Variants in LRRTM4 observed in about 807,000 individuals in gnomAD.
The protein encoded by LRRTM4 is leucine rich repeat transmembrane neuronal 4.
In LRRTM4, 25 loss-of-function variants were observed where a neutral mutation model predicts 47.6. The ratio of observed to expected loss-of-function variants is 0.53; its 90% CI spans 0.38 to 0.73. LRRTM4 has a LOEUF of 0.73. LRRTM4 is among the 30% of genes least tolerant of loss of function. LRRTM4 has a pLI of 0.00. For missense variants in LRRTM4, 638 were observed against 713.4 expected (o/e 0.89, Z 1.20); for synonymous variants, 311 against 269.5 (o/e 1.15, Z -1.51).
chr2:76,750,513 T>C (rs1672815390), intron 3 of LRRTM4, among the ~76,000 whole-genome samples: 1 of 152,214 alleles, frequency 6.6e-6, no homozygotes, highest in Non-Finnish European at 1.5e-5. Context: ...AAATAACTGA[T>C]ATTTTGTCAG....
At chr2:77,175,396 C>G (rs1029999591) in intron 3 of LRRTM4, among the ~76,000 whole-genome samples, 2 of 152,136 alleles carry the variant, frequency 1.3e-5, no homozygotes, top group African/African-American at 4.8e-5. Flanking sequence ...GCACCATAAT[C>G]TAAGCCCAGG....
At chr2:76,791,180 G>A (rs1674950996) in intron 3 of LRRTM4, among the ~76,000 whole-genome samples, 1 of 152,058 alleles carries the variant, frequency 6.6e-6, no homozygotes, top group Non-Finnish European at 1.5e-5. Context: ...AGAACCACAG[G>A]GCATTAGAGC....
At chr2:77,478,131 T>C (rs944333222) in intron 3 of LRRTM4, among the ~76,000 whole-genome samples, 2 of 152,170 alleles carry the variant, frequency 1.3e-5, no homozygotes, top group Non-Finnish European at 1.5e-5. Context: ...TGTTATTACT[T>C]GCTGCCTCTT....
chr2:77,193,247 T>C (rs943988030), intron 3 of LRRTM4, among the ~76,000 whole-genome samples: 2 of 152,168 alleles, frequency 1.3e-5, no homozygotes, highest in African/African-American at 4.8e-5. Context: ...CCATGCCAAC[T>C]ATGATTGTTT....
At chr2:76,937,867 T>G (rs1675011247) in intron 3 of LRRTM4, among the ~76,000 whole-genome samples, 1 of 151,934 alleles carries the variant, frequency 6.6e-6, no homozygotes, top group African/African-American at 2.4e-5. Context: ...CACCCGGCCA[T>G]CTTTATATAT....
At chr2:77,103,432 A>G (rs1316833162) in intron 3 of LRRTM4, among the ~76,000 whole-genome samples, 2 of 152,112 alleles carry the variant, frequency 1.3e-5, no homozygotes, top group African/African-American at 4.8e-5. Flanking sequence ...AGAATTCCCC[A>G]TAGTGTGAAA....
In LRRTM4 at chr2:77,434,747, G is replaced by A. The variant is rs191644268; in HGVS notation, c.1551+83571C>T. On this transcript the variant is annotated intron_variant, in intron 3 of 3. Coordinates refer to ENST00000409884, the MANE Select transcript of LRRTM4 (RefSeq NM_001134745.3). ...TACAGCATTCCCATTTTAAAAGTCAGTAAAGCATAGTGATTTGCCCAAGGT... is the reference window on the plus strand; with the variant it reads ...TACAGCATTCCCATTTTAAAAGTCAATAAAGCATAGTGATTTGCCCAAGGT... Among the ~76,000 whole-genome samples the A allele has an allele frequency of 1.9e-3, 288 of 152,196 alleles. 1 individual carries two copies. The highest frequency in any genetic ancestry group is 3.1e-3 in the Non-Finnish European group (210 of 67,984).
rs1553376381 is a variant in LRRTM4, at chr2:77,044,627, C to CCA, written c.1552-295712_1552-295711insTG. ...AACTAGTTTATTTGATTTTTTTTGGCTATATATATATACACACAAACATAT... is the reference window on the plus strand; with the variant it reads ...AACTAGTTTATTTGATTTTTTTTGGCCATATATATATATACACACAAACATAT... On this transcript the variant is annotated intron_variant, in intron 3 of 3. Coordinates refer to ENST00000409884, the MANE Select transcript of LRRTM4 (RefSeq NM_001134745.3). 4.3e-4 allele frequency among the ~76,000 whole-genome samples: 65 copies of CCA among 150,202 alleles called. No homozygotes were observed. In the East Asian group the frequency reaches 5.9e-3, roughly 14 times the overall value.
At chr2:77,203,128 T>A (rs1465366662) in intron 3 of LRRTM4, among the ~76,000 whole-genome samples, 2 of 151,794 alleles carry the variant, frequency 1.3e-5, no homozygotes, top group Non-Finnish European at 2.9e-5. Context: ...TACATATGTG[T>A]GTGTATATAT....
At chr2:76,975,953 T>C (rs751483281) in intron 3 of LRRTM4, among the ~76,000 whole-genome samples, 26 of 151,904 alleles carry the variant, frequency 1.7e-4, no homozygotes, top group Non-Finnish European at 3.4e-4. Context: ...GCATTCTTTC[T>C]TGGCCAGTCA....
chr2:76,849,497 A>C (rs992831795), intron 3 of LRRTM4, among the ~76,000 whole-genome samples: 6 of 152,058 alleles, frequency 3.9e-5, no homozygotes, highest in Non-Finnish European at 8.8e-5. Flanking sequence ...GTCAAAAATA[A>C]ATTTTATATA....
At position 77,326,702 on chromosome 2, in the gene LRRTM4, A is replaced by G. The variant is rs538759161; in HGVS notation, c.1551+191616T>C. 5.6e-4 allele frequency among the ~76,000 whole-genome samples: 86 copies of G among 152,294 alleles called. No individual in the cohort carries two copies. The South Asian group carries it at 0.017, about 31-fold the overall frequency. On this transcript the variant is annotated intron_variant, in intron 3 of 3. Transcript: ENST00000409884. ...TGAAGGACTGTACTCTGCCTCACCT[A>G]TAACTCTTTATAGTCAAAACGGATT...
intron 3 of LRRTM4, among the ~76,000 whole-genome samples, chr2:77,405,693 T>C (rs1383854595): frequency 6.6e-6 from 1 of 152,130 alleles, no homozygotes; most frequent in Admixed American, 6.6e-5. Flanking sequence ...ACGACAGCTA[T>C]AATTGATAAG....
chr2:76,878,583 G>A (rs77410070), intron 3 of LRRTM4, among the ~76,000 whole-genome samples: 1 of 151,990 alleles, frequency 6.6e-6, no homozygotes, highest in Non-Finnish European at 1.5e-5. Flanking sequence ...AGTGAAACTT[G>A]CCAGGCGCAG....
intron 3 of LRRTM4, among the ~76,000 whole-genome samples, chr2:76,950,680 G>C (rs1573358277): frequency 6.6e-6 from 1 of 151,912 alleles, no homozygotes; most frequent in East Asian, 1.9e-4. Context: ...TCTGCATTTG[G>C]CTAAATTAGG....
chr2:76,960,484 T>A (rs892544611), intron 3 of LRRTM4, among the ~76,000 whole-genome samples: 2 of 151,674 alleles, frequency 1.3e-5, no homozygotes, highest in African/African-American at 4.8e-5. Context: ...CATCTCTTTA[T>A]TATTTCTCTT....
chr2:76,885,830 G>C (rs538871085), intron 3 of LRRTM4, among the ~76,000 whole-genome samples: 2 of 152,180 alleles, frequency 1.3e-5, no homozygotes, highest in African/African-American at 4.8e-5. Flanking sequence ...TATGAAAAAT[G>C]CATATAAGCT....
At position 76,754,904 on chromosome 2, in the gene LRRTM4, C is replaced by T. The variant is rs114723392; in HGVS notation, c.1552-5988G>A. 6.8e-3 allele frequency among the ~76,000 whole-genome samples: 1,034 copies of T among 152,202 alleles called. 11 individuals carry two copies. The highest frequency in any genetic ancestry group is 0.011 in the Non-Finnish European group (765 of 68,020). On this transcript the variant is annotated intron_variant, in intron 3 of 3. Coordinates refer to ENST00000409884, the MANE Select transcript of LRRTM4 (RefSeq NM_001134745.3). ...AGTCTCTGCAGCACTCACGGGAGCT[C>T]ATCACAAGCACATGTGCACAACAGC...
chr2:77,262,732 G>C (rs1023241055), intron 3 of LRRTM4, among the ~76,000 whole-genome samples: 8 of 151,908 alleles, frequency 5.3e-5, no homozygotes, highest in Non-Finnish European at 5.9e-5. Flanking sequence ...TAAAACCCAT[G>C]ATTATGGGTT....
Sources: gnomAD v4.1 joint callset for allele counts (sites outside exome capture counted in the v4.1 genomes callset) on GRCh38, gnomAD v4.1.1 for gene constraint, MANE v1.5 for transcripts, NCBI Gene and HGNC (gene_info 2026-07-23, HGNC 2026-07-21) for gene names.